Variants in WWOX observed in about 807,000 individuals in gnomAD.
WWOX encodes the protein WW domain containing oxidoreductase.
WWOX carries 69 observed loss-of-function variants against 46.2 expected under a neutral mutation model. The ratio of observed to expected loss-of-function variants is 1.49; its 90% CI spans 1.23 to 1.82. The LOEUF is 1.82. Among genes scored for constraint, WWOX ranks in the 40% most tolerant of loss-of-function variants. The probability of loss-of-function intolerance (pLI) is 0.00; values close to 1 mark genes in which losing one functional copy is unlikely to be tolerated. For synonymous variants in WWOX, 359 were observed against 202.6 expected (o/e 1.77, Z -6.56); for missense variants, 919 against 542.6 (o/e 1.69, Z -6.89).
At chr16:78,680,561 G>A (rs1004943905) in intron 8 of WWOX, among the ~76,000 whole-genome samples, 1 of 152,088 alleles carries the variant, frequency 6.6e-6, no homozygotes, top group Non-Finnish European at 1.5e-5. Context: ...TGTAGAGCTG[G>A]GCTATCCAAT....
At chr16:78,296,760 TA>T (rs1245392496) in intron 5 of WWOX, among the ~76,000 whole-genome samples, 1 of 152,180 alleles carries the variant, frequency 6.6e-6, no homozygotes, top group Non-Finnish European at 1.5e-5. Context: ...AATTCATATC[TA>T]AAAATAAAGT....
At chr16:78,340,155 C>G (rs2080984977) in intron 5 of WWOX, among the ~76,000 whole-genome samples, 2 of 113,246 alleles carry the variant, frequency 1.8e-5, no homozygotes, top group Non-Finnish European at 2.1e-5. Context: ...TTTCTATCTT[C>G]TCAAAATTGT....
chr16:79,135,054 A>G (rs2049956813), intron 8 of WWOX, among the ~76,000 whole-genome samples: 1 of 152,246 alleles, frequency 6.6e-6, no homozygotes. Context: ...TAAATAAAAA[A>G]TATATACAAA....
At chr16:78,575,022 A>AAAGCTGTC (rs2044824781) in intron 8 of WWOX, among the ~76,000 whole-genome samples, 2 of 13,998 alleles carry the variant, frequency 1.4e-4, no homozygotes, top group African/African-American at 4.7e-4. Context: ...TATATATATA[A>AAAGCTGTC]ATATATATAT....
intron 8 of WWOX, among the ~76,000 whole-genome samples, chr16:79,193,238 G>C (rs939383581): frequency 1.3e-5 from 2 of 152,154 alleles, no homozygotes; most frequent in Non-Finnish European, 2.9e-5. Context: ...CTGCATACAA[G>C]TTGCTTACCC....
chr16:78,115,275 G>C (rs2032722491), intron 4 of WWOX, 121 bp downstream of exon 4: 20 of 1,223,562 alleles, frequency 1.6e-5, no homozygotes, highest in Non-Finnish European at 2.4e-5. Context: ...ATCCTTTTCA[G>C]ATATCGTTTC....
intron 5 of WWOX, among the ~76,000 whole-genome samples, chr16:78,263,061 G>A (rs562140551): frequency 5.1e-4 from 77 of 152,204 alleles, no homozygotes; most frequent in African/African-American, 1.7e-3. Context: ...TTGGGCATCC[G>A]TCTTCCATTC....
intron 8 of WWOX, chr16:78,890,465 C>T (rs750216023): frequency 1.3e-5 from 2 of 152,088 alleles, no homozygotes; most frequent in Non-Finnish European, 2.9e-5. Flanking sequence ...CAGCCCCAGT[C>T]AGGAGGGCTT....
intron 8 of WWOX, among the ~76,000 whole-genome samples, chr16:79,138,902 T>C (rs2150711067): frequency 6.6e-6 from 1 of 152,324 alleles, no homozygotes; most frequent in African/African-American, 2.4e-5. Flanking sequence ...CACAGCAGGC[T>C]GGATGCCAAG....
chr16:78,768,549 C>A (rs1030102225), intron 8 of WWOX, among the ~76,000 whole-genome samples: 1 of 151,148 alleles, frequency 6.6e-6, no homozygotes, highest in Non-Finnish European at 1.5e-5. Flanking sequence ...GAGACTGCGC[C>A]GCTGCACTCC....
chr16:78,670,188 G>A (rs1011402964), intron 8 of WWOX, among the ~76,000 whole-genome samples: 2 of 152,124 alleles, frequency 1.3e-5, no homozygotes, highest in Non-Finnish European at 2.9e-5. Flanking sequence ...TTCACCAGCA[G>A]GTCCAGCTCT....
chr16:78,811,826 C>G (rs1396649027), intron 8 of WWOX, among the ~76,000 whole-genome samples: 1 of 152,162 alleles, frequency 6.6e-6, no homozygotes, highest in East Asian at 1.9e-4. Context: ...TAGAGGGACA[C>G]AAACATTCAG....
intron 4 of WWOX, among the ~76,000 whole-genome samples, chr16:78,154,448 T>C (rs1318255732): frequency 6.6e-6 from 1 of 151,640 alleles, no homozygotes; most frequent in Non-Finnish European, 1.5e-5. Context: ...TGTATTCATG[T>C]GATTTATTTA....
At chr16:78,938,777 A>G (rs745454580) in intron 8 of WWOX, among the ~76,000 whole-genome samples, 1 of 152,136 alleles carries the variant, frequency 6.6e-6, no homozygotes, top group Non-Finnish European at 1.5e-5. Context: ...GGTATGGCCC[A>G]TTATACCAGA....
intron 8 of WWOX, among the ~76,000 whole-genome samples, chr16:78,442,073 GC>G (rs1244021641): frequency 6.6e-6 from 1 of 151,538 alleles, no homozygotes; most frequent in Non-Finnish European, 1.5e-5. Context: ...GGAGTTGGAG[GC>G]TGCAGTGAGC....
At chr16:79,043,414 A>G (rs1345482968) in intron 8 of WWOX, among the ~76,000 whole-genome samples, 1 of 152,162 alleles carries the variant, frequency 6.6e-6, no homozygotes, top group South Asian at 2.1e-4. Flanking sequence ...TAAGACCAAC[A>G]TTGAGGATGA....
chr16:78,113,424 A>G (rs2151672533), intron 3 of WWOX, among the ~76,000 whole-genome samples: 1 of 152,348 alleles, frequency 6.6e-6, no homozygotes, highest in East Asian at 1.9e-4. Context: ...AGCTATACAC[A>G]ATATACAAGT....
chr16:79,147,277 G>A (rs1301647341), intron 8 of WWOX, among the ~76,000 whole-genome samples: 1 of 152,092 alleles, frequency 6.6e-6, no homozygotes, highest in Non-Finnish European at 1.5e-5. Context: ...CCTGACCCCT[G>A]GCAACCACTA....
At chr16:78,389,776 G>C (rs1015230160) in intron 6 of WWOX, among the ~76,000 whole-genome samples, 2 of 151,992 alleles carry the variant, frequency 1.3e-5, no homozygotes, top group Non-Finnish European at 2.9e-5. Context: ...TTTGAGACAG[G>C]GTCTCGCTGT....
Sources: gnomAD v4.1 joint callset for allele counts (sites outside exome capture counted in the v4.1 genomes callset) on GRCh38, gnomAD v4.1.1 for gene constraint, MANE v1.5 for transcripts, NCBI Gene and HGNC (gene_info 2026-07-23, HGNC 2026-07-21) for gene names.